The following ITPR1 variants were observed in gnomAD, a reference collection of about 807,000 sequenced individuals.
ITPR1 encodes the protein inositol 1,4,5-trisphosphate-gated calcium channel ITPR1.
ITPR1 carries 96 observed loss-of-function variants against 318.4 expected under a neutral mutation model. The observed-to-expected ratio is 0.30, with a 90% CI of 0.26 to 0.36. The LOEUF (loss-of-function observed/expected upper bound fraction) is 0.36, where lower values mean the gene tolerates loss of function less well. Ranked by LOEUF, ITPR1 falls within the 10% of genes least tolerant of loss-of-function variation. The pLI is 1.00. For missense variants in ITPR1, 2,440 were observed against 3,460.2 expected (o/e 0.71, Z 7.40); for synonymous variants, 1,312 against 1,289.9 (o/e 1.02, Z -0.37).
At chr3:4,715,403 T>TC (rs1256246744) in intron 39 of ITPR1, among the ~76,000 whole-genome samples, 6 of 152,226 alleles carry the variant, frequency 3.9e-5, no homozygotes, top group Non-Finnish European at 4.4e-5. Flanking sequence ...GAGAACACTC[T>TC]CCAATAGACG....
chr3:4,685,032 C>T lies in ITPR1; in HGVS notation c.3565-37C>T, dbSNP rs538217765. On this transcript the variant is annotated intron_variant, in intron 29 of 61. Transcript: ENST00000649015. ...CTGCAATCTTTTTCCAGCTATAGTTCCTAGTTTTCTGAGACTGATTTCTTT... is the reference window on the plus strand; with the variant it reads ...CTGCAATCTTTTTCCAGCTATAGTTTCTAGTTTTCTGAGACTGATTTCTTT... 81 of 1,595,936 alleles carry T rather than the reference C, an allele frequency of 5.1e-5. No individual in the cohort carries two copies. The Admixed American group carries it at 5.6e-4, about 11-fold the overall frequency.
At chr3:4,569,864 A>G (rs1190704174) in intron 4 of ITPR1, among the ~76,000 whole-genome samples, 1 of 152,216 alleles carries the variant, frequency 6.6e-6, no homozygotes, top group Non-Finnish European at 1.5e-5. Context: ...ATTTATGCAT[A>G]TTTAATTTTT....
At chr3:4,788,463 G>C (rs2047343940) in intron 52 of ITPR1, among the ~76,000 whole-genome samples, 2 of 152,214 alleles carry the variant, frequency 1.3e-5, no homozygotes, top group African/African-American at 4.8e-5. Context: ...CCAGGCCCTT[G>C]AGCTCACAGG....
chr3:4,504,100 C>T (rs184387835), intron 2 of ITPR1, among the ~76,000 whole-genome samples: 1 of 152,282 alleles, frequency 6.6e-6, no homozygotes, highest in East Asian at 1.9e-4. Context: ...ATCTGCAGCT[C>T]TTTGCCTTGG....
rs535524341 is a variant in ITPR1, at chr3:4,735,154, A to T, written c.5354-10A>T. On this transcript the variant is annotated splice_polypyrimidine_tract_variant and intron_variant, in intron 43 of 61. Transcript: ENST00000649015. ...TTGTGCTTAGTAAAAACAATATTCC[A>T]TCTTCTTAGGGGGAGGTTCCGGATC... is the stretch of plus-strand genomic sequence containing the variant. The T allele has an allele frequency of 4.4e-6, 7 of 1,608,630 alleles. No individual in the cohort carries two copies. The highest frequency in any genetic ancestry group is 1.7e-5 in the Admixed American group (1 of 59,914).
chr3:4,791,781 G>C (rs904468064), intron 52 of ITPR1, among the ~76,000 whole-genome samples: 4 of 152,178 alleles, frequency 2.6e-5, no homozygotes, highest in Non-Finnish European at 5.9e-5. Context: ...TACAAGAAAG[G>C]AAGGCTTCAG....
Position 4,676,930 on chromosome 3 carries a change from T to C in ITPR1, c.2967+129T>C, listed in dbSNP as rs368172433. On this transcript the variant is annotated intron_variant, in intron 24 of 61. Coordinates refer to ENST00000649015, the MANE Select transcript of ITPR1 (RefSeq NM_001378452.1). The stretch of plus-strand genomic sequence containing the variant: ...TGGGGGCAAATCCTTAGCTCATCCC[T>C]CCGTGTCATTTATGAGCTGGCTCCT... The C allele has an allele frequency of 6.8e-5, 45 of 657,088 alleles. No homozygotes were observed. In the African/African-American group the frequency reaches 7.5e-4, roughly 11 times the overall value. 40.7% of individuals were successfully genotyped at this position (657,088 alleles called of 1,614,324 possible). A position where few individuals can be genotyped will look rare whatever the true frequency, so the allele number is the denominator to read the frequency against.
chr3:4,519,477 G>A (rs1022241095), intron 3 of ITPR1, among the ~76,000 whole-genome samples: 16 of 152,180 alleles, frequency 1.1e-4, no homozygotes, highest in African/African-American at 2.9e-4. Flanking sequence ...CGCCTGTCTC[G>A]GCCTCCCAAA....
intron 4 of ITPR1, among the ~76,000 whole-genome samples, chr3:4,553,041 A>T (rs545197128): frequency 6.6e-6 from 1 of 152,312 alleles, no homozygotes; most frequent in African/African-American, 2.4e-5. Flanking sequence ...CTGTCAGAAA[A>T]CAGATGTGTC....
chr3:4,699,448 A>G (rs563199793), intron 34 of ITPR1, among the ~76,000 whole-genome samples: 2 of 152,126 alleles, frequency 1.3e-5, no homozygotes, highest in Non-Finnish European at 2.9e-5. Flanking sequence ...AGAACCGAGG[A>G]ATGGATTACT....
intron 40 of ITPR1, chr3:4,724,479 G>T (rs913547898): frequency 6.6e-6 from 1 of 152,288 alleles, no homozygotes; most frequent in African/African-American, 2.4e-5. Flanking sequence ...TGGCCCTGAG[G>T]TGAGTGTGCT....
intron 15 of ITPR1, 72 bp from the exon 16 acceptor site, chr3:4,662,993 G>C (rs757990157): frequency 1.6e-5 from 23 of 1,416,798 alleles, no homozygotes; most frequent in Non-Finnish European, 2.2e-5. Flanking sequence ...CGTCCAGAAG[G>C]CTTCCAAGGC....
At position 4,503,923 on chromosome 3, in the gene ITPR1, C is replaced by G. The variant is rs574505035; in HGVS notation, c.-17+9417C>G. On this transcript the variant is annotated intron_variant, in intron 2 of 61. Transcript: ENST00000649015. ...TTAACAAAATAAGCACCCTCCCCCTCTCGCCCCCTCCCAAAACCAAAAAAC... is the reference window on the plus strand; with the variant it reads ...TTAACAAAATAAGCACCCTCCCCCTGTCGCCCCCTCCCAAAACCAAAAAAC... Among the ~76,000 whole-genome samples, 5 of 152,204 alleles carry G rather than the reference C, an allele frequency of 3.3e-5. No homozygotes were observed. The East Asian group carries it at 5.8e-4, about 18-fold the overall frequency.
chr3:4,699,721 T>C, intron 34 of ITPR1, 92 bp from the exon 35 acceptor site: 1 of 1,269,244 alleles, frequency 7.9e-7, no homozygotes, highest in Non-Finnish European at 1.1e-6. Flanking sequence ...ACCTTTCATT[T>C]GTTAAAAGTA....
chr3:4,540,288 C>T (rs1342510185), intron 4 of ITPR1, among the ~76,000 whole-genome samples: 1 of 151,930 alleles, frequency 6.6e-6, no homozygotes, highest in Non-Finnish European at 1.5e-5. Context: ...TCTGTTTTGT[C>T]TGATATTAAT....
chr3:4,697,326 G>GTGTGTA (rs2094575343), intron 34 of ITPR1, 54 bp downstream of exon 34: 2 of 1,326,238 alleles, frequency 1.5e-6, no homozygotes, highest in Non-Finnish European at 2.0e-6. Flanking sequence ...GTGTGTGTGT[G>GTGTGTA]TGTGTGTGTG....
At chr3:4,591,738 A>G (rs960690245) in intron 4 of ITPR1, among the ~76,000 whole-genome samples, 1 of 152,222 alleles carries the variant, frequency 6.6e-6, no homozygotes, top group Non-Finnish European at 1.5e-5. Flanking sequence ...GCTTATGATC[A>G]CTTGTAGTAG....
intron 34 of ITPR1, 28 bp downstream of exon 34, chr3:4,697,300 A>T (rs1311630619): frequency 6.5e-7 from 1 of 1,535,322 alleles, no homozygotes; most frequent in Admixed American, 2.0e-5. Flanking sequence ...GAGGAGGCAG[A>T]GTTGGAGAGT....
intron 4 of ITPR1, among the ~76,000 whole-genome samples, chr3:4,539,834 A>G (rs1347875207): frequency 6.6e-6 from 1 of 152,154 alleles, no homozygotes; most frequent in African/African-American, 2.4e-5. Context: ...GACTCTTTAG[A>G]GAGTCCTTAC....
Sources: allele counts gnomAD v4.1 joint callset (sites outside exome capture counted in the v4.1 genomes callset), GRCh38; gene constraint gnomAD v4.1.1; transcripts MANE v1.5; gene names NCBI Gene and HGNC (gene_info 2026-07-23, HGNC 2026-07-21).